Variants in PPP2CA observed in about 807,000 individuals in gnomAD.
The protein encoded by PPP2CA is serine/threonine-protein phosphatase 2A catalytic subunit alpha isoform.
Under a neutral mutation model 38.8 loss-of-function variants are expected in PPP2CA, and 5 were observed. The ratio of observed to expected loss-of-function variants is 0.13; its 90% CI spans 0.07 to 0.27. PPP2CA has a LOEUF of 0.27. PPP2CA is among the 10% of genes least tolerant of loss of function. PPP2CA has a pLI of 1.00. For synonymous variants in PPP2CA, 152 were observed against 134.0 expected (o/e 1.13, Z -0.93); for missense variants, 88 against 389.7 (o/e 0.23, Z 6.52).
chr5:134,225,225 G>A (rs777448993), intron 1 of PPP2CA, among the ~76,000 whole-genome samples: 2 of 152,320 alleles, frequency 1.3e-5, no homozygotes, highest in South Asian at 2.1e-4. Context: ...TTCTGGAGAA[G>A]ATCGCTTGGT....
intron 1 of PPP2CA, among the ~76,000 whole-genome samples, chr5:134,214,095 C>T (rs891294651): frequency 1.3e-5 from 2 of 152,068 alleles, no homozygotes; most frequent in Non-Finnish European, 2.9e-5. Context: ...TGCCACTGCA[C>T]TCCAGCCTAT....
chr5:134,206,405 G>A (rs1361750324), intron 1 of PPP2CA, among the ~76,000 whole-genome samples: 1 of 152,138 alleles, frequency 6.6e-6, no homozygotes, highest in Non-Finnish European at 1.5e-5. Context: ...CTAATTGTTA[G>A]CTGTCACATA....
rs1762576241 is a variant in PPP2CA at position 134,226,054 on chromosome 5, T to G, written c.-193A>C. On this transcript the variant is annotated 5_prime_UTR_variant, in exon 1 of 7. Transcript: ENST00000481195. ...CGCCTCCTCCTCCGCTCGCTGAGGC[T>G]CCAGAGCTCGGCTCTCTGTAATGGC... The G allele has an allele frequency of 1.9e-6, 1 of 519,040 alleles. No individual in the cohort carries two copies. The highest frequency in any genetic ancestry group is 2.0e-5 in the African/African-American group (1 of 48,782). 32.2% of individuals were successfully genotyped at this position (519,040 alleles called of 1,614,324 possible).
chr5:134,219,374 C>G (rs537287403), intron 1 of PPP2CA, among the ~76,000 whole-genome samples: 1 of 152,328 alleles, frequency 6.6e-6, no homozygotes, highest in African/African-American at 2.4e-5. Context: ...AATGACACTC[C>G]ATAACCTCTG....
At chr5:134,216,984 T>A (rs1163036742) in intron 1 of PPP2CA, among the ~76,000 whole-genome samples, 1 of 152,220 alleles carries the variant, frequency 6.6e-6, no homozygotes, top group Non-Finnish European at 1.5e-5. Flanking sequence ...ATTTTACTAC[T>A]AAAAGTCTGA....
Position 134,214,862 on chromosome 5 carries a change from G to A in PPP2CA, c.103-8731C>T, listed in dbSNP as rs975543904. Among the ~76,000 whole-genome samples, 5 of 151,790 alleles carry A rather than the reference G, an allele frequency of 3.3e-5. No homozygotes were observed. In the East Asian group the frequency reaches 5.8e-4, roughly 18 times the overall value. On this transcript the variant is annotated intron_variant, in intron 1 of 6. Transcript: ENST00000481195. ...TACAATTATTAAGAAAAGTTATCAC[G>A]TCTTGCCATTTTCTAAGAGTTTTTC...
In PPP2CA at chr5:134,196,185, C is replaced by T. The variant is rs1270072671; in HGVS notation, c.*1587G>A. The T allele has an allele frequency of 6.6e-6, 1 of 152,168 alleles. No homozygotes were observed. The highest frequency in any genetic ancestry group is 6.5e-5 in the Admixed American group (1 of 15,272). The allele number at this position is 152,168 out of a possible 1,614,324, so 9.4% of individuals were successfully genotyped here. On this transcript the variant is annotated 3_prime_UTR_variant, in exon 7 of 7. Transcript: ENST00000481195. The stretch of plus-strand genomic sequence containing the variant: ...TATCAATTAGATCAGAAAAGACATT[C>T]GGTATGTATGTGTTCCTCAAGCATT...
intron 5 of PPP2CA, chr5:134,199,573 T>C (rs1761930844): frequency 6.1e-6 from 1 of 164,136 alleles, no homozygotes; most frequent in Non-Finnish European, 1.3e-5. Flanking sequence ...GATTTAAGAA[T>C]AAGTATTTAA....
rs190673252 is a variant in PPP2CA at position 134,213,513 on chromosome 5, T to C, written c.103-7382A>G. On this transcript the variant is annotated intron_variant, in intron 1 of 6. Coordinates refer to ENST00000481195, the MANE Select transcript of PPP2CA (RefSeq NM_002715.4). The stretch of plus-strand genomic sequence containing the variant: ...AAAAAATTAAAATATTAGCTGGGCA[T>C]AGTGGTACACACCTGTAGTACCAGC... Among the ~76,000 whole-genome samples, 242 of 150,510 alleles carry C rather than the reference T, an allele frequency of 1.6e-3. 6 individuals carry two copies. Among genetic ancestry groups the C allele is most frequent in the Admixed American group, 0.014 (206 of 15,132 alleles).
At chr5:134,204,747 A>C (rs1762042023) in intron 2 of PPP2CA, among the ~76,000 whole-genome samples, 1 of 152,092 alleles carries the variant, frequency 6.6e-6, no homozygotes. Flanking sequence ...ACAGGCGTGA[A>C]CCACTGCACC....
intron 1 of PPP2CA, among the ~76,000 whole-genome samples, chr5:134,208,976 T>C (rs1762143478): frequency 1.3e-5 from 2 of 152,196 alleles, no homozygotes; most frequent in South Asian, 2.1e-4. Context: ...CAGCAATATA[T>C]ATCCTCGTAT....
chr5:134,205,880 T>C lies in PPP2CA; in HGVS notation c.312+42A>G, dbSNP rs780036496. ...GGAAAAAAAACTTTCAAGAGGACTGTCTTACCCATTTCAACATGCCCCAAC... is the reference window on the plus strand; with the variant it reads ...GGAAAAAAAACTTTCAAGAGGACTGCCTTACCCATTTCAACATGCCCCAAC... On this transcript the variant is annotated intron_variant, in intron 2 of 6. Transcript: ENST00000481195. 1.3e-5 allele frequency: 20 copies of C among 1,546,440 alleles called. 1 individual carries two copies. The South Asian group carries it at 2.2e-4, about 17-fold the overall frequency.
At chr5:134,209,849 G>A (rs532720453) in intron 1 of PPP2CA, among the ~76,000 whole-genome samples, 3 of 151,650 alleles carry the variant, frequency 2.0e-5, no homozygotes, top group South Asian at 4.2e-4. Flanking sequence ...AGGTAAAAGC[G>A]GGAGGATGCT....
chr5:134,204,042 C>T (rs1040369124), intron 2 of PPP2CA, among the ~76,000 whole-genome samples: 6 of 152,206 alleles, frequency 3.9e-5, no homozygotes, highest in Non-Finnish European at 8.8e-5. Flanking sequence ...AAACCTTCCA[C>T]CATCTAGTCC....
At chr5:134,200,271 C>T in intron 5 of PPP2CA, 64 bp downstream of exon 5, 4 of 1,495,150 alleles carry the variant, frequency 2.7e-6, no homozygotes, top group East Asian at 2.3e-5. Context: ...TTTAAAACTC[C>T]CTAATATCTT....
intron 1 of PPP2CA, among the ~76,000 whole-genome samples, chr5:134,208,563 C>T (rs1360052588): frequency 3.3e-5 from 5 of 152,196 alleles, no homozygotes; most frequent in Admixed American, 3.3e-4. Context: ...ATTTGTAACA[C>T]AGCTGCATCC....
chr5:134,204,935 A>ATT (rs1190999573), intron 2 of PPP2CA, among the ~76,000 whole-genome samples: 2 of 70,064 alleles, frequency 2.9e-5, no homozygotes, highest in Non-Finnish European at 6.7e-5. Context: ...TTCTTCCTCG[A>ATT]TATTTTTTTT....
chr5:134,223,355 A>C (rs1762488159), intron 1 of PPP2CA, among the ~76,000 whole-genome samples: 1 of 152,230 alleles, frequency 6.6e-6, no homozygotes, highest in Non-Finnish European at 1.5e-5. Context: ...TTGTACAAAA[A>C]ACATCAGTTC....
chr5:134,211,689 C>T (rs1207665156), intron 1 of PPP2CA, among the ~76,000 whole-genome samples: 1 of 150,224 alleles, frequency 6.7e-6, no homozygotes, highest in East Asian at 2.0e-4. Context: ...CTTGCCCAGG[C>T]TGGTCTCAAA....
Sources: allele counts gnomAD v4.1 joint callset (sites outside exome capture counted in the v4.1 genomes callset), GRCh38; gene constraint gnomAD v4.1.1; transcripts MANE v1.5; gene names NCBI Gene and HGNC (gene_info 2026-07-23, HGNC 2026-07-21).